Variants in PRPF18 observed in about 807,000 individuals in gnomAD.
The protein encoded by PRPF18 is pre-mRNA processing factor 18, also known as pre-mRNA-splicing factor 18.
A neutral mutation model predicts 46.5 loss-of-function variants in PRPF18; 38 were observed. That is an observed-to-expected ratio of 0.82 (90% CI 0.63 to 1.07). The LOEUF is 1.07. PRPF18 is among the 50% of genes least tolerant of loss of function. PRPF18 has a pLI of 0.00. For missense variants in PRPF18, 263 were observed against 410.0 expected (o/e 0.64, Z 3.10); for synonymous variants, 152 against 146.7 (o/e 1.04, Z -0.26).
chr10:13,626,769 G>C (rs1366072921), intron 9 of PRPF18, among the ~76,000 whole-genome samples: 1 of 151,852 alleles, frequency 6.6e-6, no homozygotes, highest in Non-Finnish European at 1.5e-5. Context: ...GAGTGAGGTA[G>C]AGGACTGCTA....
At chr10:13,650,152 G>T in the PRPF18 span, among the ~76,000 whole-genome samples, 1 of 152,226 alleles carries the variant, frequency 6.6e-6, no homozygotes, top group Non-Finnish European at 1.5e-5. Context: ...GGGTTTTGTG[G>T]TTTATAACTG....
In PRPF18 at chr10:13,587,166, G is replaced by A; in HGVS notation, c.66+14G>A. The A allele has an allele frequency of 6.2e-7, 1 of 1,608,278 alleles. No homozygotes were observed. The highest frequency in any genetic ancestry group is 8.5e-7 in the Non-Finnish European group (1 of 1,174,812). On this transcript the variant is annotated intron_variant, in intron 1 of 9. Transcript: ENST00000378572. ...AACCTGCTGGTGGTGAGGACCCTGC[G>A]GTCGTGGGGGTCGGGATGTAAGAGT... is the stretch of plus-strand genomic sequence containing the variant.
Position 13,614,011 on chromosome 10 carries a change from TCAGAA to T in PRPF18, c.721-3_722del. 6.4e-7 allele frequency: 1 copy of T among 1,573,520 alleles called. No individual in the cohort carries two copies. Among genetic ancestry groups the T allele is most frequent in the South Asian group, 1.2e-5 (1 of 84,632 alleles). On this transcript the variant is annotated splice_acceptor_variant and splice_polypyrimidine_tract_variant and coding_sequence_variant and intron_variant, in exon 8 of 10. Coordinates refer to ENST00000378572, the MANE Select transcript of PRPF18 (RefSeq NM_003675.4). LOFTEE classifies it high-confidence loss of function. ...TTCCAAAATTTCTTATTTATTTTTTTCAGAATCTTCCTGCTGATATTAAAGAATCA... is the reference window on the plus strand; with the variant it reads ...TTCCAAAATTTCTTATTTATTTTTTTTCTTCCTGCTGATATTAAAGAATCA...
chr10:13,609,181 A>G (rs2080235964), intron 4 of PRPF18, among the ~76,000 whole-genome samples: 1 of 152,214 alleles, frequency 6.6e-6, no homozygotes, highest in Non-Finnish European at 1.5e-5. Context: ...CTCATCGTCC[A>G]TTTCTTAGCT....
intron 9 of PRPF18, among the ~76,000 whole-genome samples, chr10:13,622,596 GA>G (rs1373861476): frequency 6.6e-6 from 1 of 152,178 alleles, no homozygotes; most frequent in Non-Finnish European, 1.5e-5. Flanking sequence ...CCTTGCACTG[GA>G]AACTTGTTCT....
chr10:13,626,828 T>C (rs1196705884), intron 9 of PRPF18, among the ~76,000 whole-genome samples: 1 of 151,218 alleles, frequency 6.6e-6, no homozygotes, highest in African/African-American at 2.4e-5. Flanking sequence ...CCTCAAACAG[T>C]GTACACAGAA....
chr10:13,593,505 A>G (rs2079992929), intron 1 of PRPF18, among the ~76,000 whole-genome samples: 1 of 152,228 alleles, frequency 6.6e-6, no homozygotes, highest in East Asian at 1.9e-4. Flanking sequence ...AAGGAAGTGG[A>G]CACGGATTAG....
chr10:13,616,157 T>C lies in PRPF18; in HGVS notation c.793-241T>C, dbSNP rs77200625. ...GCTGCAAAGGAATGTTTGCCTTTTT[T>C]TTACTCACAACCTAGCTTTGGTTTC... On this transcript the variant is annotated intron_variant, in intron 8 of 9. Coordinates refer to ENST00000378572, the MANE Select transcript of PRPF18 (RefSeq NM_003675.4). 1.6e-4 allele frequency among the ~76,000 whole-genome samples: 24 copies of C among 152,352 alleles called. No individual in the cohort carries two copies. In the East Asian group the frequency reaches 2.9e-3, roughly 18 times the overall value.
the PRPF18 span, chr10:13,654,690 C>A: frequency 3.3e-6 from 2 of 598,076 alleles, no homozygotes; most frequent in Non-Finnish European, 5.9e-6. Flanking sequence ...CAGTGGGCAA[C>A]CATCTCTACA....
the PRPF18 span, chr10:13,651,804 A>T: frequency 1.3e-6 from 1 of 748,672 alleles, no homozygotes; most frequent in South Asian, 1.5e-5. Context: ...TAAATACAGC[A>T]TTCAGATGTA....
rs11258476 is a variant in PRPF18, at chr10:13,616,436, G to A, written c.831G>A (p.Ala277=). The A allele has an allele frequency of 0.013, 20,206 of 1,612,840 alleles. 1,097 individuals carry two copies. In the African/African-American group the frequency reaches 0.15, roughly 12 times the overall value. The change falls in exon 9 of 10, where the codon GCG becomes GCA. Residue 277 remains alanine (A), a synonymous_variant. Transcript: ENST00000378572. ...ATCTTCAGATGGCCATTGGAAATGC[G>A]CCTTGGCCCATCGGTGTCACTATGG... The part of the protein sequence containing the change: ...DAYLQMAIGN[A]PWPIGVTMVG...
intron 1 of PRPF18, among the ~76,000 whole-genome samples, chr10:13,595,674 C>T (rs564593582): frequency 2.6e-5 from 4 of 152,268 alleles, no homozygotes; most frequent in Admixed American, 2.6e-4. Flanking sequence ...TTTGCCCCCA[C>T]CGTACTCAGG....
chr10:13,654,777 C>T, the PRPF18 span: 1 of 500,706 alleles, frequency 2.0e-6, no homozygotes, highest in Non-Finnish European at 3.5e-6. Context: ...GTCAAGCTGA[C>T]CTGGGATCCT....
At position 13,613,857 on chromosome 10, in the gene PRPF18, A is replaced by G. The variant is rs142096835; in HGVS notation, c.696A>G (p.Pro232=). 523 of 1,611,110 alleles carry G rather than the reference A, an allele frequency of 3.2e-4. 1 individual carries two copies. In the African/African-American group the frequency reaches 5.6e-3, roughly 17 times the overall value. The change falls in exon 7 of 10, where the codon CCA becomes CCG. Residue 232 remains proline, a synonymous_variant. Coordinates refer to ENST00000378572, the MANE Select transcript of PRPF18 (RefSeq NM_003675.4). ...TQKQTESYLR[P]LFRKLRKRNL... is the part of the protein sequence containing the mutation. ...AACAGACCGAGTCCTACCTAAGACC[A>G]CTTTTTAGAAAGCTACGGAAAAGGG...
At chr10:13,626,336 G>GGGCATGTGA (rs1305030006) in intron 9 of PRPF18, among the ~76,000 whole-genome samples, 7 of 152,194 alleles carry the variant, frequency 4.6e-5, no homozygotes, top group African/African-American at 1.4e-4. Flanking sequence ...CCTGAGTGAT[G>GGGCATGTGA]TTTGGGCATG....
intron 9 of PRPF18, among the ~76,000 whole-genome samples, chr10:13,620,688 G>A (rs899280966): frequency 1.8e-4 from 27 of 152,314 alleles, no homozygotes; most frequent in African/African-American, 5.5e-4. Flanking sequence ...TGTAATGTCT[G>A]AGATAATTAT....
intron 1 of PRPF18, chr10:13,591,604 G>T: frequency 6.1e-6 from 4 of 656,110 alleles, no homozygotes. Flanking sequence ...CTGTAATCTT[G>T]TATTTATCTT....
chr10:13,601,025 C>T (rs1384579533), intron 3 of PRPF18, among the ~76,000 whole-genome samples: 1 of 152,176 alleles, frequency 6.6e-6, no homozygotes, highest in Admixed American at 6.5e-5. Flanking sequence ...AAGTGATCCA[C>T]CTGTCTCGGC....
the PRPF18 span, chr10:13,638,919 AT>A: frequency 6.6e-6 from 1 of 152,178 alleles, no homozygotes; most frequent in Non-Finnish European, 1.5e-5. Flanking sequence ...TGAGAACAGT[AT>A]TGGGTAAGTT....
Sources: gnomAD v4.1 joint callset for allele counts (sites outside exome capture counted in the v4.1 genomes callset) on GRCh38, gnomAD v4.1.1 for gene constraint, MANE v1.5 for transcripts, NCBI Gene and HGNC (gene_info 2026-07-23, HGNC 2026-07-21) for gene names.